Variants in TRMT2A observed in about 807,000 individuals in gnomAD.
The protein encoded by TRMT2A is tRNA methyltransferase 2A, also known as tRNA (uracil-5-)-methyltransferase homolog A.
TRMT2A carries 60 observed loss-of-function variants against 59.3 expected under a neutral mutation model. The observed-to-expected ratio is 1.01, with a 90% CI of 0.82 to 1.26. TRMT2A has a LOEUF of 1.26. Among genes scored for constraint, TRMT2A ranks in the 50% most tolerant of loss-of-function variants. The pLI is 0.00. For synonymous variants in TRMT2A, 403 were observed against 353.7 expected, an observed-to-expected ratio of 1.14 and a Z score of -1.56; for missense variants, 863 against 845.2, an observed-to-expected ratio of 1.02 and a Z score of -0.26.
Position 20,116,595 on chromosome 22 carries a change from CT to C in TRMT2A, c.41del (p.Glu14GlyfsTer11). ...NLDNEGPKPMESCGQESSSAL... is the reference protein window; with the variant it reads ...NLDNEGPKPMXSCGQESSSAL... ...CACTGCTGCTCTCCTGGCCACAGCTCTCCATGGGCTTCGGGCCCTGTGTGGG... is the reference window on the plus strand; with the variant it reads ...CACTGCTGCTCTCCTGGCCACAGCTCCCATGGGCTTCGGGCCCTGTGTGGG... On this transcript the variant is annotated frameshift_variant, in exon 2 of 12. Transcript: ENST00000252136. LOFTEE classifies it high-confidence loss of function. 1 of 1,547,178 alleles carries C rather than the reference CT, an allele frequency of 6.5e-7. No homozygotes were observed. The highest frequency in any genetic ancestry group is 8.7e-7 in the Non-Finnish European group (1 of 1,152,148).
chr22:20,116,508 C>G lies in TRMT2A; in HGVS notation c.129G>C (p.Glu43Asp), dbSNP rs1296341550. The G allele has an allele frequency of 6.2e-7, 1 of 1,612,346 alleles. No individual in the cohort carries two copies. Among genetic ancestry groups the G allele is most frequent in the Non-Finnish European group, 8.5e-7 (1 of 1,179,896 alleles). ...PAAPAALEEV[E>D]KEGAGAATGP... ...CTGTAGCCGCCCCAGCGCCCTCTTT[C>G]TCCACCTCCTCCAGGGCTGCCGGGG... Residue 43 changes from glutamate (E) to aspartate (D), a missense_variant, in exon 2 of 12, where the codon GAG becomes GAC. Physicochemically the swap from Glu to Asp is conservative, Grantham distance 45. Transcript: ENST00000252136.
chr22:20,113,065 C>T (rs977964533), intron 10 of TRMT2A, 53 bp downstream of exon 10: 3 of 1,608,558 alleles, frequency 1.9e-6, no homozygotes, highest in South Asian at 2.2e-5. Context: ...ACATGGTGAG[C>T]CACCCCATGT....
At position 20,115,421 on chromosome 22, in the gene TRMT2A, A is replaced by G; in HGVS notation, c.735T>C (p.Phe245=). 1 of 1,611,324 alleles carries G rather than the reference A, an allele frequency of 6.2e-7. No homozygotes were observed. The highest frequency in any genetic ancestry group is 8.5e-7 in the Non-Finnish European group (1 of 1,179,330). The change falls in exon 4 of 12, where the codon TTT becomes TTC. Residue 245 remains phenylalanine (F), a synonymous_variant. Coordinates refer to ENST00000252136, the MANE Select transcript of TRMT2A (RefSeq NM_022727.6). ...CCCCATCCACCCCGACGCCAACCAG[A>G]AACTCACACTTATTACGATACTCAG... The part of the protein sequence containing the change: ...QQTEYRNKCE[F]LVGVGVDGED...
At chr22:20,113,363 TGGCTGA>T (rs2049906524) in intron 9 of TRMT2A, 63 bp downstream of exon 9, 5 of 1,556,850 alleles carry the variant, frequency 3.2e-6, no homozygotes, top group Non-Finnish European at 4.4e-6. Flanking sequence ...GCCCTGGCTG[TGGCTGA>T]GGCTTGCAGC....
chr22:20,113,015 G>A lies in TRMT2A; in HGVS notation c.1550-8C>T. On this transcript the variant is annotated splice_polypyrimidine_tract_variant and splice_region_variant and intron_variant, in intron 10 of 11. Transcript: ENST00000252136. ...CCAGGATCACCTTGGAATCTGAGGA[G>A]GCAAACACCAGCTGGGTCCCCACAG... 6.2e-7 allele frequency: 1 copy of A among 1,613,716 alleles called. No individual in the cohort carries two copies. Among genetic ancestry groups the A allele is most frequent in the Non-Finnish European group, 8.5e-7 (1 of 1,180,004 alleles).
In TRMT2A at chr22:20,116,912, A is replaced by G. The variant is rs2050044108; in HGVS notation, c.-6T>C. The G allele has an allele frequency of 6.4e-7, 1 of 1,557,862 alleles. No homozygotes were observed. Among genetic ancestry groups the G allele is most frequent in the Non-Finnish European group, 8.7e-7 (1 of 1,154,318 alleles). ...TTGTCGAGGTTCTCACTCATCGCCC[A>G]GGCGGTTCTCCGCCTAGACCAGGGA... On this transcript the variant is annotated 5_prime_UTR_variant, in exon 1 of 12. Coordinates refer to ENST00000252136, the MANE Select transcript of TRMT2A (RefSeq NM_022727.6).
At position 20,112,193 on chromosome 22, in the gene TRMT2A, C is replaced by G. The variant is rs139838034; in HGVS notation, c.*370G>C. 231 of 278,512 alleles carry G rather than the reference C, an allele frequency of 8.3e-4. 1 individual carries two copies. Among genetic ancestry groups the G allele is most frequent in the Admixed American group, 3.5e-3 (72 of 20,732 alleles). The allele number at this position is 278,512 out of a possible 1,614,324, so 17.3% of individuals were successfully genotyped here. On this transcript the variant is annotated 3_prime_UTR_variant, in exon 12 of 12. Transcript: ENST00000252136. Reference sequence around the variant, plus strand: ...TTTTAAAGTAAGCTCTGCCCTGACTCCCCCAGCCATGCAGAGAGGCTTGCA... The same window carrying G: ...TTTTAAAGTAAGCTCTGCCCTGACTGCCCCAGCCATGCAGAGAGGCTTGCA...
rs1393130455 is a variant in TRMT2A at position 20,117,019 on chromosome 22, AG to A, written c.-114del. The A allele has an allele frequency of 1.4e-6, 2 of 1,382,044 alleles. No individual in the cohort carries two copies. Among genetic ancestry groups the A allele is most frequent in the African/African-American group, 2.9e-5 (2 of 69,600 alleles). 85.6% of individuals were successfully genotyped at this position (1,382,044 alleles called of 1,614,324 possible). A position where few individuals can be genotyped will look rare whatever the true frequency, so the allele number is the denominator to read the frequency against. On this transcript the variant is annotated 5_prime_UTR_variant, in exon 1 of 12. Transcript: ENST00000252136. ...GTCACAAGGGAAGTGCTCAGAGGGG[AG>A]GTGCTCACAGAGCCGGTGCAACGCC...
chr22:20,116,193 G>T lies in TRMT2A; in HGVS notation c.444C>A (p.Ala148=). The part of the protein sequence containing the change: ...PLSVRLARPK[A]DPMARRRRQE... ...GTCGCCTCCTCCTGGCCATGGGGTC[G>T]GCCTTGGGCCGGGCCAGGCGCACAC... Residue 148 remains alanine, a synonymous_variant, in exon 2 of 12, where the codon GCC becomes GCA. Transcript: ENST00000252136. The T allele has an allele frequency of 6.2e-7, 1 of 1,613,036 alleles. No individual in the cohort carries two copies. The highest frequency in any genetic ancestry group is 8.5e-7 in the Non-Finnish European group (1 of 1,179,992).
In TRMT2A at chr22:20,112,688, G is replaced by C; in HGVS notation, c.1753C>G (p.Leu585Val). 1 of 1,614,102 alleles carries C rather than the reference G, an allele frequency of 6.2e-7. No homozygotes were observed. The highest frequency in any genetic ancestry group is 8.5e-7 in the Non-Finnish European group (1 of 1,180,038). Residue 585 changes from leucine (L) to valine (V), a missense_variant, in exon 12 of 12, where the codon CTG becomes GTG. By Grantham distance (32) the Leu-to-Val change is conservative (BLOSUM62 1). Coordinates refer to ENST00000252136, the MANE Select transcript of TRMT2A (RefSeq NM_022727.6). ...TTGGGGTGCTCCACCCTCTCAAACA[G>C]GATGAGCATCTCACAGTGCGGGGTC... ...PQTPHCEMLI[L>V]FERVEHPNGT...
At chr22:20,116,823 A>ACCCCCCCCCCCCC in intron 1 of TRMT2A, 60 bp downstream of exon 1, 1 of 1,294,022 alleles carries the variant, frequency 7.7e-7, no homozygotes, top group Non-Finnish European at 1.1e-6. Context: ...AGGTTTCCTG[A>ACCCCCCCCCCCCC]CCCACCCCGC....
chr22:20,115,347 C>T lies in TRMT2A; in HGVS notation c.809G>A (p.Cys270Tyr). Residue 270 changes from cysteine to tyrosine, a missense_variant, in exon 4 of 12, where the codon TGT becomes TAT. By Grantham distance (194) the Cys-to-Tyr change is radical (BLOSUM62 -2). Transcript: ENST00000252136. ...CRLGKYKGGT[C>Y]AVAAPFDTVH... ...GGTGTCAAACGGGGCTGCCACAGCA[C>T]ACGTCCCGCCCTTGTACTTGCCGAG... 1 of 1,612,812 alleles carries T rather than the reference C, an allele frequency of 6.2e-7. No individual in the cohort carries two copies.
rs1469064146 is a variant in TRMT2A at position 20,112,907 on chromosome 22, T to A, written c.1646+4A>T. ...CCCCCACCCAGGCCCCTGCAGACACTCACTCCACAAAGTTGCCCATGGCTG... is the reference window on the plus strand; with the variant it reads ...CCCCCACCCAGGCCCCTGCAGACACACACTCCACAAAGTTGCCCATGGCTG... On this transcript the variant is annotated splice_donor_region_variant and intron_variant, in intron 11 of 11. Transcript: ENST00000252136. The A allele has an allele frequency of 2.5e-6, 4 of 1,613,488 alleles. No homozygotes were observed. The highest frequency in any genetic ancestry group is 1.1e-5 in the South Asian group (1 of 91,076).
In TRMT2A at chr22:20,116,391, G is replaced by A; in HGVS notation, c.246C>T (p.Arg82=). The part of the protein sequence containing the change: ...IFKLELQNVP[R]HASFSDVRRF... ...GCCGGACGTCGCTGAAGCTGGCGTGGCGAGGCACGTTCTGCAGCTCCAGTT... is the reference window on the plus strand; with the variant it reads ...GCCGGACGTCGCTGAAGCTGGCGTGACGAGGCACGTTCTGCAGCTCCAGTT... Residue 82 remains arginine (R), a synonymous_variant, in exon 2 of 12, where the codon CGC becomes CGT. Transcript: ENST00000252136. 6.2e-7 allele frequency: 1 copy of A among 1,612,020 alleles called. No individual in the cohort carries two copies. The highest frequency in any genetic ancestry group is 8.5e-7 in the Non-Finnish European group (1 of 1,179,142).
In TRMT2A at chr22:20,114,723, C is replaced by T. The variant is rs1178809139; in HGVS notation, c.1121+38G>A. On this transcript the variant is annotated intron_variant, in intron 6 of 11. Transcript: ENST00000252136. ...GTGCAGGTCCTTCAGTGTCACAGTC[C>T]CTGCAGGGACCTGCCCCGCCCCACT... The T allele has an allele frequency of 1.9e-6, 3 of 1,610,196 alleles. No homozygotes were observed. In the South Asian group the frequency reaches 3.3e-5, roughly 18 times the overall value.
Position 20,114,013 on chromosome 22 carries a change from G to A in TRMT2A, c.1234-205C>T, listed in dbSNP as rs113220768. ...GCCCCTGGCTTTAAAAGCCAAGCCC[G>A]TGCTAAGCACAGCCTCCTCCTTGCC... is the stretch of plus-strand genomic sequence containing the variant. On this transcript the variant is annotated intron_variant, in intron 7 of 11. Transcript: ENST00000252136. Among the ~76,000 whole-genome samples the A allele has an allele frequency of 6.1e-4, 93 of 152,286 alleles. 2 individuals are homozygous for A. The highest frequency in any genetic ancestry group is 2.2e-3 in the African/African-American group (91 of 41,550).
Position 20,113,693 on chromosome 22 carries a change from A to C in TRMT2A, c.1349T>G (p.Leu450Arg). ...CCGTGTIGLA[L>R]ARKVKRVIGV... The stretch of plus-strand genomic sequence containing the variant: ...CAGGGCAGGAGGGCTCACCCGGGCC[A>C]GGGCCAGGCCAATGGTGCCGGTGCC... Residue 450 changes from leucine (L) to arginine (R), a missense_variant, in exon 8 of 12, where the codon CTG becomes CGG. Leu to Arg is a moderately radical substitution (Grantham distance 102, BLOSUM62 -2). Coordinates refer to ENST00000252136, the MANE Select transcript of TRMT2A (RefSeq NM_022727.6). 1 of 1,599,116 alleles carries C rather than the reference A, an allele frequency of 6.3e-7. No individual in the cohort carries two copies. The highest frequency in any genetic ancestry group is 8.5e-7 in the Non-Finnish European group (1 of 1,173,144).
intron 4 of TRMT2A, 26 bp from the exon 5 acceptor site, chr22:20,115,105 G>A: frequency 2.5e-6 from 4 of 1,576,046 alleles, no homozygotes; most frequent in Non-Finnish European, 3.4e-6. Context: ...GCTGGCCCAA[G>A]TGCCCACAAC....
Position 20,113,151 on chromosome 22 carries a change from C to T in TRMT2A, c.1516G>A (p.Val506Met), listed in dbSNP as rs79713627. Residue 506 changes from valine to methionine, a missense_variant, in exon 10 of 12, where the codon GTG becomes ATG. Val to Met is a conservative substitution (Grantham distance 21, BLOSUM62 1). Transcript: ENST00000252136. ...LVSRLASQHL[V>M]AILDPPRAGL... ...GCACGGGGTGGGTCCAGGATGGCCA[C>T]GAGGTGCTGGGAGGCCAGTCTGCTC... 1.3e-4 allele frequency: 214 copies of T among 1,600,086 alleles called. No homozygotes were observed. In the African/African-American group the frequency reaches 2.1e-3, roughly 15 times the overall value.
Sources: allele counts gnomAD v4.1 joint callset (sites outside exome capture counted in the v4.1 genomes callset), GRCh38; gene constraint gnomAD v4.1.1; transcripts MANE v1.5; gene names NCBI Gene and HGNC (gene_info 2026-07-23, HGNC 2026-07-21).